SYT9: variants seen among roughly 807,000 people sequenced by gnomAD.
SYT9 encodes synaptotagmin-9.
A neutral mutation model predicts 48.4 loss-of-function variants in SYT9; 22 were observed. The observed-to-expected ratio is 0.45, with a 90% CI of 0.32 to 0.65. SYT9 has a LOEUF of 0.65. Ranked by LOEUF, SYT9 falls within the 30% of genes least tolerant of loss-of-function variation. The pLI, the probability that SYT9 is intolerant of heterozygous loss-of-function variation, is 0.03. For missense variants in SYT9, 577 were observed against 622.0 expected, an observed-to-expected ratio of 0.93 and a Z score of 0.77; for synonymous variants, 265 against 245.0, an observed-to-expected ratio of 1.08 and a Z score of -0.76.
chr11:7,281,065 A>G (rs1241996815), intron 1 of SYT9, among the ~76,000 whole-genome samples: 1 of 152,220 alleles, frequency 6.6e-6, no homozygotes, highest in East Asian at 1.9e-4. Flanking sequence ...AGTCTAATTC[A>G]CTACTGAATG....
intron 1 of SYT9, among the ~76,000 whole-genome samples, chr11:7,261,679 G>A (rs1324963288): frequency 2.6e-5 from 4 of 152,122 alleles, no homozygotes; most frequent in Non-Finnish European, 5.9e-5. Context: ...AGAAGGAAAT[G>A]TGGGAGCAAG....
At chr11:7,362,209 A>G (rs775113240) in intron 3 of SYT9, among the ~76,000 whole-genome samples, 2 of 142,618 alleles carry the variant, frequency 1.4e-5, no homozygotes, top group Non-Finnish European at 3.0e-5. Flanking sequence ...CGGTGGTGTG[A>G]TCTCGGCTTA....
rs1368990176 is a variant in SYT9, at chr11:7,443,288, T to A, written c.1467+22653T>A. ...AATGCTGGTCCCATCCCCCACAGAA[T>A]TTACAATCTGGCTGAGGAAATAGAC... is the stretch of plus-strand genomic sequence containing the variant. On this transcript the variant is annotated intron_variant, in intron 6 of 6. Transcript: ENST00000318881. 3.3e-5 allele frequency among the ~76,000 whole-genome samples: 5 copies of A among 152,182 alleles called. No individual in the cohort carries two copies. The East Asian group carries it at 9.6e-4, about 29-fold the overall frequency.
chr11:7,365,475 G>C (rs966923702), intron 3 of SYT9, among the ~76,000 whole-genome samples: 1 of 152,112 alleles, frequency 6.6e-6, no homozygotes, highest in Non-Finnish European at 1.5e-5. Context: ...ACTGTAGTTG[G>C]TATTTTATAT....
At chr11:7,439,727 G>A (rs4072103) in intron 6 of SYT9, 24,523 of 152,174 alleles carry the variant, frequency 0.16, 2,153 homozygotes, top group Admixed American at 0.24. Flanking sequence ...TGTTATTCAC[G>A]GTGCCTACCA....
chr11:7,401,812 A>T, intron 3 of SYT9, among the ~76,000 whole-genome samples: 1 of 149,800 alleles, frequency 6.7e-6, no homozygotes, highest in African/African-American at 2.4e-5. Flanking sequence ...GTTTTTATTG[A>T]TTTTTCTCTA....
chr11:7,419,063 G>A (rs1847302618), intron 5 of SYT9, among the ~76,000 whole-genome samples: 2 of 152,224 alleles, frequency 1.3e-5, no homozygotes, highest in Non-Finnish European at 2.9e-5. Flanking sequence ...CAAGGAGCAC[G>A]TGGGTTGGCT....
intron 1 of SYT9, among the ~76,000 whole-genome samples, chr11:7,242,504 T>A (rs1162956329): frequency 1.3e-5 from 2 of 152,232 alleles, no homozygotes; most frequent in African/African-American, 4.8e-5. Flanking sequence ...TTATATGAGC[T>A]AATATATTTA....
At chr11:7,460,425 G>A (rs1848216160) in intron 6 of SYT9, among the ~76,000 whole-genome samples, 2 of 151,976 alleles carry the variant, frequency 1.3e-5, no homozygotes, top group Non-Finnish European at 2.9e-5. Flanking sequence ...ACATTTCTGT[G>A]AATATTTCAA....
chr11:7,355,477 C>T lies in SYT9; in HGVS notation c.1044+41536C>T, dbSNP rs527258022. Among the ~76,000 whole-genome samples the T allele has an allele frequency of 4.6e-5, 7 of 152,370 alleles. No individual in the cohort carries two copies. The East Asian group carries it at 1.3e-3, about 29-fold the overall frequency. ...CTTCTGTTGATCTTTCTGGCCTCAA[C>T]TCAAATCTCACCTTCTCCTTAAATC... On this transcript the variant is annotated intron_variant, in intron 3 of 6. Transcript: ENST00000318881.
intron 1 of SYT9, among the ~76,000 whole-genome samples, chr11:7,239,662 G>A (rs1823184511): frequency 6.6e-6 from 1 of 152,164 alleles, no homozygotes; most frequent in Admixed American, 6.5e-5. Flanking sequence ...AGTTATTACA[G>A]GGTCCAGGCA....
Position 7,464,259 on chromosome 11 carries a change from G to A in SYT9, c.1468-2533G>A, listed in dbSNP as rs139953192. ...AGCTAGGAAACCATAAGTGGGATGT[G>A]GCACCTGCTGTATGCTACTAGTTTG... On this transcript the variant is annotated intron_variant, in intron 6 of 6. Transcript: ENST00000318881. Among the ~76,000 whole-genome samples the A allele has an allele frequency of 2.0e-4, 31 of 152,320 alleles. No homozygotes were observed. In the East Asian group the frequency reaches 5.6e-3, roughly 27 times the overall value.
chr11:7,408,396 G>T (rs921997347), intron 3 of SYT9, among the ~76,000 whole-genome samples: 16 of 152,218 alleles, frequency 1.1e-4, no homozygotes, highest in African/African-American at 3.9e-4. Context: ...CCAAAGTGCT[G>T]GGATTACAGG....
intron 1 of SYT9, among the ~76,000 whole-genome samples, chr11:7,273,035 A>G (rs1192410953): frequency 1.3e-5 from 2 of 152,152 alleles, no homozygotes; most frequent in African/African-American, 4.8e-5. Flanking sequence ...ATTTTATCCT[A>G]ATCTTAATAG....
chr11:7,317,106 T>C (rs7481957), intron 3 of SYT9, among the ~76,000 whole-genome samples: 34,942 of 152,118 alleles, frequency 0.23, 4,262 homozygotes, highest in Non-Finnish European at 0.27. Flanking sequence ...ATGTTTGGTG[T>C]AATAAAATGT....
At chr11:7,336,247 G>A (rs1849628831) in intron 3 of SYT9, among the ~76,000 whole-genome samples, 1 of 152,096 alleles carries the variant, frequency 6.6e-6, no homozygotes, top group South Asian at 2.1e-4. Context: ...TTAGACCTTT[G>A]TTAGATGCAT....
At chr11:7,268,485 A>G (rs1180840088) in intron 1 of SYT9, among the ~76,000 whole-genome samples, 1 of 152,006 alleles carries the variant, frequency 6.6e-6, no homozygotes, top group East Asian at 1.9e-4. Context: ...AAGCATATAA[A>G]TATATTGTAA....
At chr11:7,351,375 G>T (rs914622287) in intron 3 of SYT9, among the ~76,000 whole-genome samples, 5 of 152,206 alleles carry the variant, frequency 3.3e-5, no homozygotes, top group African/African-American at 1.2e-4. Flanking sequence ...TGAGGCTTTG[G>T]GCAGCCTGTC....
At chr11:7,246,087 C>T (rs1345767709) in intron 1 of SYT9, among the ~76,000 whole-genome samples, 1 of 151,960 alleles carries the variant, frequency 6.6e-6, no homozygotes, top group African/African-American at 2.4e-5. Flanking sequence ...CTTTGTCCTT[C>T]TCTCAAAAGA....
Sources: gnomAD v4.1 joint callset for allele counts (sites outside exome capture counted in the v4.1 genomes callset) on GRCh38, gnomAD v4.1.1 for gene constraint, MANE v1.5 for transcripts, NCBI Gene and HGNC (gene_info 2026-07-23, HGNC 2026-07-21) for gene names.